Variants in ZNF487 observed in about 807,000 individuals in gnomAD.
ZNF487 encodes zinc finger protein 487.
ZNF487 carries 4 observed loss-of-function variants against 3.0 expected under a neutral mutation model. The ratio of observed to expected loss-of-function variants is 1.35; its 90% CI spans 0.66 to 3.08. ZNF487 has a LOEUF of 3.08. Among genes scored for constraint, ZNF487 ranks in the 30% most tolerant of loss-of-function variants. The probability of loss-of-function intolerance (pLI) is 0.01; values close to 1 mark genes in which losing one functional copy is unlikely to be tolerated. For synonymous variants in ZNF487, 55 were observed against 34.6 expected, an observed-to-expected ratio of 1.59 and a Z score of -2.06; for missense variants, 146 against 98.7, an observed-to-expected ratio of 1.48 and a Z score of -2.03.
chr10:43,454,025 T>G (rs1840090933), intron 1 of ZNF487: 1 of 152,186 alleles, frequency 6.6e-6, no homozygotes, highest in African/African-American at 2.4e-5. Context: ...TAAAAAATTG[T>G]TAGGACTCAG....
At position 43,482,384 on chromosome 10, in the gene ZNF487, C is replaced by A; in HGVS notation, c.*462C>A. On this transcript the variant is annotated 3_prime_UTR_variant, in exon 4 of 4. Transcript: ENST00000437590. ...CCATAAATCCTCTTTTATCCTACAG[C>A]AGAGGATACACAGAGGAGAGAAACC... 1 of 466,104 alleles carries A rather than the reference C, an allele frequency of 2.1e-6. No homozygotes were observed. Among genetic ancestry groups the A allele is most frequent in the Admixed American group, 2.3e-5 (1 of 42,660 alleles). The allele number at this position is 466,104 out of a possible 1,614,324, so 28.9% of individuals were successfully genotyped here.
the ZNF487 span, among the ~76,000 whole-genome samples, chr10:43,517,702 G>T: frequency 2.0e-5 from 3 of 152,172 alleles, no homozygotes; most frequent in African/African-American, 7.2e-5. Flanking sequence ...ACAGAAGCAG[G>T]GCGCTGCAAG....
chr10:43,465,195 C>T (rs1437876246), intron 1 of ZNF487, among the ~76,000 whole-genome samples: 3 of 145,098 alleles, frequency 2.1e-5, no homozygotes, highest in Middle Eastern at 3.7e-3. Context: ...GGGGGGCTGA[C>T]CCCCCCACCT....
chr10:43,463,398 C>T (rs1589037829), intron 1 of ZNF487, among the ~76,000 whole-genome samples: 6 of 148,050 alleles, frequency 4.1e-5, no homozygotes, highest in Admixed American at 2.7e-4. Flanking sequence ...ATTAGCCAGG[C>T]GTGGTGGTGC....
intron 1 of ZNF487, among the ~76,000 whole-genome samples, chr10:43,460,752 G>T (rs1403186670): frequency 6.6e-6 from 1 of 151,622 alleles, no homozygotes; most frequent in Non-Finnish European, 1.5e-5. Flanking sequence ...GAGTGTAGTG[G>T]CCCTATCTCA....
chr10:43,473,635 C>T (rs1180560194), intron 1 of ZNF487, among the ~76,000 whole-genome samples: 1 of 152,088 alleles, frequency 6.6e-6, no homozygotes, highest in Non-Finnish European at 1.5e-5. Context: ...TCTCCTGCCT[C>T]AGCCTCCTGA....
chr10:43,476,801 G>A (rs990699036), intron 3 of ZNF487, among the ~76,000 whole-genome samples: 2 of 152,196 alleles, frequency 1.3e-5, no homozygotes, highest in Non-Finnish European at 2.9e-5. Context: ...AAGTCAAGGG[G>A]TGATGGGGAG....
At chr10:43,483,224 T>C (rs965999852), downstream of ZNF487, 1 of 375,470 alleles carries the variant, frequency 2.7e-6, no homozygotes, top group African/African-American at 2.2e-5. Flanking sequence ...ATATTTTATC[T>C]TCTTTTCTTT....
At chr10:43,502,996 C>G in the ZNF487 span, among the ~76,000 whole-genome samples, 1 of 142,080 alleles carries the variant, frequency 7.0e-6, no homozygotes, top group Non-Finnish European at 1.5e-5. Context: ...TAGCACTGCA[C>G]TCTAGCCTGG....
At chr10:43,465,653 C>T (rs1840667187) in intron 1 of ZNF487, among the ~76,000 whole-genome samples, 2 of 151,608 alleles carry the variant, frequency 1.3e-5, no homozygotes, top group Admixed American at 6.6e-5. Flanking sequence ...AGGCGCTCCT[C>T]ACTTCCTAGA....
rs777239076 is a variant in ZNF487, at chr10:43,482,640, A to T, written c.*718A>T. 20 of 494,928 alleles carry T rather than the reference A, an allele frequency of 4.0e-5. No individual in the cohort carries two copies. Among genetic ancestry groups the T allele is most frequent in the African/African-American group, 7.9e-5 (4 of 50,892 alleles). 30.7% of individuals were successfully genotyped at this position (494,928 alleles called of 1,614,324 possible). ...GTCAGCTCTAAAAGTACATCAGAGA[A>T]TACATACTGGCGAGAAACCCTATGA... On this transcript the variant is annotated 3_prime_UTR_variant, in exon 4 of 4. Transcript: ENST00000437590.
Position 43,481,901 on chromosome 10 carries a change from G to A in ZNF487, c.603G>A (p.Val201=). 1.5e-6 allele frequency: 1 copy of A among 676,116 alleles called. No individual in the cohort carries two copies. The highest frequency in any genetic ancestry group is 1.8e-5 in the African/African-American group (1 of 56,074). The allele number at this position is 676,116 out of a possible 1,614,324, so 41.9% of individuals were successfully genotyped here. ...CAGCCTGCAGTACCCATAAGAGAGTGTGCTCATGGGAGACCCTGTGAATAT... is the reference window on the plus strand; with the variant it reads ...CAGCCTGCAGTACCCATAAGAGAGTATGCTCATGGGAGACCCTGTGAATAT... ...EEAACSTHKR[V]CSWETL The change falls in exon 4 of 4, where the codon GTG becomes GTA. Residue 201 remains valine, a synonymous_variant. Transcript: ENST00000437590.
intron 1 of ZNF487, among the ~76,000 whole-genome samples, chr10:43,456,023 T>C (rs552071443): frequency 6.6e-6 from 1 of 152,308 alleles, no homozygotes; most frequent in South Asian, 2.1e-4. Flanking sequence ...CCAGACATCG[T>C]TGCCAAGTAT....
the ZNF487 span, among the ~76,000 whole-genome samples, chr10:43,494,862 G>T: frequency 6.8e-6 from 1 of 148,042 alleles, no homozygotes; most frequent in East Asian, 2.0e-4. Flanking sequence ...ACTTGGACCT[G>T]GGAGGCAGAG....
At chr10:43,461,349 C>G (rs1840425668) in intron 1 of ZNF487, among the ~76,000 whole-genome samples, 1 of 150,852 alleles carries the variant, frequency 6.6e-6, no homozygotes, top group Admixed American at 6.6e-5. Flanking sequence ...CAAGGTCTTG[C>G]TCTGTCACCC....
At chr10:43,507,234 C>T in the ZNF487 span, among the ~76,000 whole-genome samples, 1 of 152,198 alleles carries the variant, frequency 6.6e-6, no homozygotes, top group Non-Finnish European at 1.5e-5. Flanking sequence ...GTTGCTGTGT[C>T]TACTCTGTGA....
intron 1 of ZNF487, among the ~76,000 whole-genome samples, chr10:43,440,054 A>ATGTTTT (rs201307017): frequency 6.8e-6 from 1 of 147,638 alleles, no homozygotes; most frequent in Non-Finnish European, 1.5e-5. Flanking sequence ...ATATATATAT[A>ATGTTTT]TTTTTTTTTT....
At chr10:43,475,357 A>G (rs1008797683) in intron 1 of ZNF487, among the ~76,000 whole-genome samples, 1 of 151,992 alleles carries the variant, frequency 6.6e-6, no homozygotes. Context: ...TGTCTCTACA[A>G]ATAAACAATT....
chr10:43,447,027 A>C (rs2132047587), intron 1 of ZNF487, among the ~76,000 whole-genome samples: 1 of 151,906 alleles, frequency 6.6e-6, no homozygotes, highest in South Asian at 2.1e-4. Flanking sequence ...CCCCGTCTCC[A>C]CCAAAAAAAA....
Sources: gnomAD v4.1 joint callset for allele counts (sites outside exome capture counted in the v4.1 genomes callset) on GRCh38, gnomAD v4.1.1 for gene constraint, MANE v1.5 for transcripts, NCBI Gene and HGNC (gene_info 2026-07-23, HGNC 2026-07-21) for gene names.